PARP6: variants seen among roughly 807,000 people sequenced by gnomAD.
The protein encoded by PARP6 is poly(ADP-ribose) polymerase family member 6, also known as protein mono-ADP-ribosyltransferase PARP6.
In PARP6, 27 loss-of-function variants were observed where a neutral mutation model predicts 92.0. The ratio of observed to expected loss-of-function variants is 0.29; its 90% CI spans 0.22 to 0.40. The LOEUF is 0.40. Among genes scored for constraint, PARP6 ranks in the 10% least tolerant of loss-of-function variants. The probability of loss-of-function intolerance (pLI) is 1.00; values close to 1 mark genes in which losing one functional copy is unlikely to be tolerated. For synonymous variants in PARP6, 272 were observed against 281.2 expected, an observed-to-expected ratio of 0.97 and a Z score of 0.33; for missense variants, 501 against 784.5, an observed-to-expected ratio of 0.64 and a Z score of 4.32.
intron 4 of PARP6, 35 bp from the exon 5 acceptor site, chr15:72,266,026 T>C (rs200211428): frequency 4.4e-5 from 59 of 1,351,488 alleles, no homozygotes; most frequent in Non-Finnish European, 5.7e-5. Context: ...TGGAGAGAGG[T>C]GGAAAAAGAC....
rs1173732153 is a variant in PARP6 at position 72,258,053 on chromosome 15, T to C, written c.890A>G (p.Asn297Ser). 1 of 1,612,786 alleles carries C rather than the reference T, an allele frequency of 6.2e-7. No individual in the cohort carries two copies. Among genetic ancestry groups the C allele is most frequent in the Non-Finnish European group, 8.5e-7 (1 of 1,178,796 alleles). Residue 297 changes from asparagine (N) to serine (S), a missense_variant, in exon 12 of 24, where the codon AAT (asparagine) becomes AGT (serine). Transcript: ENST00000569795. Reference sequence around the variant, plus strand: ...GTCCTATACCTTCAGCATAGATCCATTTTGGAAGACATGCTGCTCATCACA... The same window carrying C: ...GTCCTATACCTTCAGCATAGATCCACTTTGGAAGACATGCTGCTCATCACA... ...VVCDEQHVFQ[N>S]GSMLKPAVCT...
intron 2 of PARP6, among the ~76,000 whole-genome samples, chr15:72,268,164 C>T (rs1308485999): frequency 6.6e-6 from 1 of 152,188 alleles, no homozygotes; most frequent in African/African-American, 2.4e-5. Flanking sequence ...AACACAAAAG[C>T]ACTATATGCA....
intron 10 of PARP6, 30 bp from the exon 11 acceptor site, chr15:72,259,691 A>C (rs1196956464): frequency 6.2e-7 from 1 of 1,608,306 alleles, no homozygotes; most frequent in South Asian, 1.1e-5. Context: ...AGACCCCGTG[A>C]ACCTCCTATG....
chr15:72,268,576 C>G (rs1475626940), intron 2 of PARP6, among the ~76,000 whole-genome samples: 1 of 152,142 alleles, frequency 6.6e-6, no homozygotes, highest in South Asian at 2.1e-4. Flanking sequence ...CGTGCGCTTA[C>G]GATCCCAGCT....
At chr15:72,255,597 CTG>C (rs2084971486) in intron 14 of PARP6, among the ~76,000 whole-genome samples, 1 of 151,648 alleles carries the variant, frequency 6.6e-6, no homozygotes, top group African/African-American at 2.4e-5. Context: ...GGGACTACCA[CTG>C]TACCACTGGC....
chr15:72,261,254 T>A (rs2085844283), intron 9 of PARP6, among the ~76,000 whole-genome samples: 2 of 152,218 alleles, frequency 1.3e-5, no homozygotes, highest in South Asian at 4.1e-4. Context: ...CTCTGACACT[T>A]TCTTCTTAGG....
At position 72,265,946 on chromosome 15, in the gene PARP6, C is replaced by G. The variant is rs1227422083; in HGVS notation, c.127G>C (p.Asp43His). 3.7e-6 allele frequency: 6 copies of G among 1,614,016 alleles called. No homozygotes were observed. Among genetic ancestry groups the G allele is most frequent in the Non-Finnish European group, 5.1e-6 (6 of 1,179,958 alleles). Residue 43 changes from aspartate to histidine, a missense_variant, in exon 5 of 24, where the codon GAC becomes CAC. Transcript: ENST00000569795. The part of the protein sequence containing the change: ...DLYRHPQLDA[D>H]IEAVKEIYSE... ...TAGATCTCCTTCACGGCTTCAATGT[C>G]TGCATCAAGCTGTGGGTGTCGATAC... is the stretch of plus-strand genomic sequence containing the variant.
At chr15:72,265,734 CCTTA>C (rs2086497902) in intron 5 of PARP6, among the ~76,000 whole-genome samples, 159 bp downstream of exon 5, 2 of 152,236 alleles carry the variant, frequency 1.3e-5, no homozygotes, top group African/African-American at 2.4e-5. Context: ...AGAAAAGTGG[CCTTA>C]CTCTCTACTC....
At chr15:72,266,625 A>T (rs1210460655) in intron 4 of PARP6, 120 bp downstream of exon 4, 9 of 750,640 alleles carry the variant, frequency 1.2e-5, no homozygotes, top group Non-Finnish European at 1.9e-5. Flanking sequence ...TGCTCAGACC[A>T]CATCAACATT....
chr15:72,244,942 A>G (rs1434792950), intron 20 of PARP6: 2 of 155,570 alleles, frequency 1.3e-5, no homozygotes, highest in Non-Finnish European at 2.8e-5. Flanking sequence ...GAAGGCAAGG[A>G]GGAGCAAGTC....
intron 8 of PARP6, among the ~76,000 whole-genome samples, chr15:72,262,043 T>C (rs1041645462): frequency 2.0e-5 from 3 of 152,080 alleles, no homozygotes; most frequent in African/African-American, 7.2e-5. Context: ...GAAACAGAAG[T>C]GGTAGGATGG....
intron 14 of PARP6, 137 bp from the exon 15 acceptor site, chr15:72,254,657 G>A (rs903957697): frequency 3.1e-6 from 2 of 649,612 alleles, no homozygotes; most frequent in Admixed American, 2.6e-5. Context: ...GAGCATTAAT[G>A]TCAGACAGTT....
At chr15:72,259,467 A>C (rs372970403) in intron 11 of PARP6, 141 bp downstream of exon 11, 4 of 707,288 alleles carry the variant, frequency 5.7e-6, no homozygotes. Flanking sequence ...AGATGGGAAC[A>C]ATGCCTTCTT....
rs148033157 is a variant in PARP6, at chr15:72,249,335, T to G, written c.1492-21A>C. On this transcript the variant is annotated intron_variant, in intron 19 of 23. Transcript: ENST00000569795. ...TGCAGCTTGCAGGGAAACACCAGGA[T>G]GAGTAATATGAGCCTGGGCCCTCCC... The G allele has an allele frequency of 1.1e-4, 159 of 1,478,178 alleles. No individual in the cohort carries two copies. The African/African-American group carries it at 1.9e-3, about 18-fold the overall frequency. 91.6% of individuals were successfully genotyped at this position (1,478,178 alleles called of 1,614,324 possible).
intron 2 of PARP6, among the ~76,000 whole-genome samples, chr15:72,269,288 G>A (rs11633327): frequency 0.63 from 94,921 of 151,862 alleles, 31,308 homozygotes; most frequent in Middle Eastern, 0.73. Flanking sequence ...AGCCTCCCAC[G>A]TAGCTGGGAT....
chr15:72,257,830 A>C (rs1232887333), intron 12 of PARP6, among the ~76,000 whole-genome samples: 1 of 152,140 alleles, frequency 6.6e-6, no homozygotes, highest in Non-Finnish European at 1.5e-5. Context: ...TGTCAGGTGG[A>C]CTCTATCCTA....
intron 16 of PARP6, 109 bp downstream of exon 16, chr15:72,253,328 T>A: frequency 1.2e-6 from 1 of 818,396 alleles, no homozygotes; most frequent in Non-Finnish European, 2.0e-6. Context: ...TTACTGCCTA[T>A]AACCTTGGGA....
chr15:72,270,052 T>G (rs960683956), intron 2 of PARP6, among the ~76,000 whole-genome samples: 4 of 152,350 alleles, frequency 2.6e-5, no homozygotes, highest in African/African-American at 9.6e-5. Context: ...TAAGGACCTG[T>G]GGTTCATTCC....
intron 14 of PARP6, 39 bp from the exon 15 acceptor site, chr15:72,254,559 A>G: frequency 6.6e-7 from 1 of 1,516,484 alleles, no homozygotes; most frequent in Non-Finnish European, 9.2e-7. Context: ...CCAAATAAAG[A>G]AAAGTAGAGG....
Sources: allele counts gnomAD v4.1 joint callset (sites outside exome capture counted in the v4.1 genomes callset), GRCh38; gene constraint gnomAD v4.1.1; transcripts MANE v1.5; gene names NCBI Gene and HGNC (gene_info 2026-07-23, HGNC 2026-07-21).